The following CREB5 variants were observed in gnomAD, a reference collection of about 807,000 sequenced individuals.
CREB5 encodes the protein cyclic AMP-responsive element-binding protein 5.
CREB5 carries 19 observed loss-of-function variants against 57.1 expected under a neutral mutation model. That is an observed-to-expected ratio of 0.33 (90% CI 0.23 to 0.49). CREB5 has a LOEUF of 0.49. CREB5 is among the 20% of genes least tolerant of loss of function. CREB5 has a pLI of 0.99. For missense variants in CREB5, 579 were observed against 671.6 expected, an observed-to-expected ratio of 0.86 and a Z score of 1.52; for synonymous variants, 238 against 238.3, an observed-to-expected ratio of 1.00 and a Z score of 0.01.
Position 28,825,375 on chromosome 7 carries a change from A to G in CREB5, c.*6096A>G, listed in dbSNP as rs1810004002. ...CAGATAAGCTTGAAATGTTCTCTCT[A>G]GAGAGGACATAGGGTTTGGGATCCT... On this transcript the variant is annotated 3_prime_UTR_variant, in exon 11 of 11. Transcript: ENST00000357727. 2 of 152,496 alleles carry G rather than the reference A, an allele frequency of 1.3e-5. No individual in the cohort carries two copies. Among genetic ancestry groups the G allele is most frequent in the Admixed American group, 6.5e-5 (1 of 15,302 alleles). 9.4% of individuals were successfully genotyped at this position (152,496 alleles called of 1,614,324 possible).
At chr7:28,661,950 A>T (rs906201594) in intron 5 of CREB5, among the ~76,000 whole-genome samples, 6 of 152,268 alleles carry the variant, frequency 3.9e-5, no homozygotes, top group African/African-American at 1.4e-4. Context: ...GTACTTAGGC[A>T]GAAACATCAT....
intron 5 of CREB5, among the ~76,000 whole-genome samples, chr7:28,679,152 C>T (rs1427502373): frequency 7.0e-6 from 1 of 143,604 alleles, no homozygotes; most frequent in East Asian, 2.1e-4. Context: ...TAATCCTTTT[C>T]TGAGGGCCTT....
intron 7 of CREB5, among the ~76,000 whole-genome samples, chr7:28,736,041 C>G (rs1358485294): frequency 6.6e-6 from 1 of 152,120 alleles, no homozygotes; most frequent in Non-Finnish European, 1.5e-5. Context: ...TCAAGCGATC[C>G]TCACATCTGG....
At chr7:28,472,153 A>AG (rs1790847618) in intron 1 of CREB5, among the ~76,000 whole-genome samples, 1 of 86,226 alleles carries the variant, frequency 1.2e-5, no homozygotes, top group Non-Finnish European at 2.5e-5. Flanking sequence ...TAGTCAAAGC[A>AG]AAAAAAAAAA....
intron 5 of CREB5, among the ~76,000 whole-genome samples, chr7:28,663,510 G>A (rs1376972290): frequency 6.6e-6 from 1 of 152,098 alleles, no homozygotes; most frequent in African/African-American, 2.4e-5. Flanking sequence ...TCGGCCAGCT[G>A]TCCCCTTTTG....
intron 5 of CREB5, among the ~76,000 whole-genome samples, chr7:28,634,712 C>G (rs181809383): frequency 4.0e-4 from 61 of 152,226 alleles, no homozygotes; most frequent in Non-Finnish European, 5.9e-5. Context: ...TCATACCTAC[C>G]CATTTTTCAA....
intron 9 of CREB5, among the ~76,000 whole-genome samples, chr7:28,814,630 A>G (rs1050211154): frequency 6.6e-6 from 1 of 152,188 alleles, no homozygotes; most frequent in Non-Finnish European, 1.5e-5. Flanking sequence ...TGCTTTCTCA[A>G]TAGAAGGTGA....
At chr7:28,645,585 T>C (rs1424769393) in intron 5 of CREB5, among the ~76,000 whole-genome samples, 2 of 152,342 alleles carry the variant, frequency 1.3e-5, no homozygotes, top group South Asian at 4.1e-4. Flanking sequence ...TATGTTATGA[T>C]TGGAGATTTT....
chr7:28,486,949 AAAAACAAAAC>A, intron 1 of CREB5, among the ~76,000 whole-genome samples: 1 of 151,880 alleles, frequency 6.6e-6, no homozygotes, highest in East Asian at 1.9e-4. Flanking sequence ...ATTTTTATTT[AAAAACAAAAC>A]AAAACAAACA....
Position 28,804,392 on chromosome 7 carries a change from A to C in CREB5, c.896A>C (p.His299Pro). 1 of 1,613,706 alleles carries C rather than the reference A, an allele frequency of 6.2e-7. No homozygotes were observed. The highest frequency in any genetic ancestry group is 8.5e-7 in the Non-Finnish European group (1 of 1,179,856). Residue 299 changes from histidine to proline, a missense_variant, in exon 8 of 11, where the codon CAC becomes CCC. Transcript: ENST00000357727. ...PYPHQHQHPA[H>P]HPHPQPHHQQ... ...CCACACCAGCACCAGCACCCAGCAC[A>C]CCATCCTCACCCTCAACCCCATCAC... is the stretch of plus-strand genomic sequence containing the variant.
intron 5 of CREB5, among the ~76,000 whole-genome samples, chr7:28,678,917 G>T (rs1800454931): frequency 6.6e-6 from 1 of 152,170 alleles, no homozygotes; most frequent in African/African-American, 2.4e-5. Context: ...TCAGTTATTA[G>T]ATAGACACAG....
At chr7:28,709,862 G>A (rs567112124) in intron 5 of CREB5, among the ~76,000 whole-genome samples, 4 of 152,234 alleles carry the variant, frequency 2.6e-5, no homozygotes, top group South Asian at 2.1e-4. Context: ...TGTCAATATC[G>A]ATAAGTCCGT....
intron 1 of CREB5, among the ~76,000 whole-genome samples, chr7:28,311,138 C>CAAAAAAAAAAAAAA (rs58272820): frequency 4.6e-3 from 536 of 115,888 alleles, no homozygotes; most frequent in East Asian, 0.013. Flanking sequence ...ACTAAAAATA[C>CAAAAAAAAAAAAAA]AAAAAAAAAA....
chr7:28,783,369 A>C (rs771479920), intron 7 of CREB5, among the ~76,000 whole-genome samples: 25 of 152,046 alleles, frequency 1.6e-4, no homozygotes, highest in Non-Finnish European at 3.5e-4. Flanking sequence ...TTTTTTGTCC[A>C]CAATGTCACT....
chr7:28,731,997 C>T lies in CREB5; in HGVS notation c.702+7665C>T, dbSNP rs528150852. ...TCACCAACCCAAATCCCCATGTTTT[C>T]TCGCTGTTTTCTTTGTGCCTGCATG... is the stretch of plus-strand genomic sequence containing the variant. On this transcript the variant is annotated intron_variant, in intron 7 of 10. Coordinates refer to ENST00000357727, the MANE Select transcript of CREB5 (RefSeq NM_182898.4). 3.8e-4 allele frequency among the ~76,000 whole-genome samples: 58 copies of T among 152,292 alleles called. 1 individual carries two copies. Among genetic ancestry groups the T allele is most frequent in the African/African-American group, 1.4e-3 (57 of 41,550 alleles).
intron 5 of CREB5, among the ~76,000 whole-genome samples, chr7:28,649,930 C>T: frequency 6.6e-6 from 1 of 152,124 alleles, no homozygotes; most frequent in East Asian, 1.9e-4. Context: ...ATATCAAGAA[C>T]AGTAAAGTGT....
chr7:28,596,777 A>G (rs897415753), intron 5 of CREB5, among the ~76,000 whole-genome samples: 2 of 152,336 alleles, frequency 1.3e-5, no homozygotes, highest in Non-Finnish European at 2.9e-5. Context: ...ATGAGATAAT[A>G]CATATGTAAA....
At chr7:28,653,847 A>G (rs1272222758) in intron 5 of CREB5, among the ~76,000 whole-genome samples, 3 of 152,148 alleles carry the variant, frequency 2.0e-5, no homozygotes, top group Admixed American at 6.5e-5. Context: ...CTATTAACCA[A>G]TTGGCTCTGG....
intron 5 of CREB5, among the ~76,000 whole-genome samples, chr7:28,649,645 T>G (rs1275583010): frequency 6.6e-6 from 1 of 152,206 alleles, no homozygotes; most frequent in African/African-American, 2.4e-5. Context: ...TTGCCTTTCA[T>G]TTGAGACCTT....
Sources: gnomAD v4.1 joint callset for allele counts (sites outside exome capture counted in the v4.1 genomes callset) on GRCh38, gnomAD v4.1.1 for gene constraint, MANE v1.5 for transcripts, NCBI Gene and HGNC (gene_info 2026-07-23, HGNC 2026-07-21) for gene names.